The following TJAP1 variants were observed in gnomAD, a reference collection of about 807,000 sequenced individuals.
TJAP1 encodes the protein tight junction-associated protein 1.
In TJAP1, 27 loss-of-function variants were observed where a neutral mutation model predicts 42.0. The ratio of observed to expected loss-of-function variants is 0.64; its 90% confidence interval spans 0.47 to 0.89. TJAP1 has a LOEUF of 0.89. TJAP1 is among the 40% of genes least tolerant of loss of function. The probability of loss-of-function intolerance (pLI) is 0.00; values close to 1 mark genes in which losing one functional copy is unlikely to be tolerated. For synonymous variants in TJAP1, 257 were observed against 288.4 expected (o/e 0.89, Z 1.10); for missense variants, 712 against 726.9 (o/e 0.98, Z 0.24).
chr6:43,495,320 C>CT lies in TJAP1; in HGVS notation c.-121-2561_-121-2560insT, dbSNP rs143576577. On this transcript the variant is annotated intron_variant, in intron 2 of 10. Transcript: ENST00000372449. This position sits in a 1 kb window ranked among gnomAD's most constrained non-coding sequence, Gnocchi z 4.6. ...TTTCCCTGCACACCTTCCTTGCCTC[C>CT]AGTCAAGGACTGTGGGCTGCCAGGC... Among the ~76,000 whole-genome samples the CT allele has an allele frequency of 8.9e-4, 136 of 152,378 alleles. 4 individuals are homozygous for CT. In the East Asian group the frequency reaches 0.021, roughly 24 times the overall value.
chr6:43,493,864 G>A (rs939534228), intron 2 of TJAP1, among the ~76,000 whole-genome samples: 6 of 152,090 alleles, frequency 3.9e-5, no homozygotes, highest in Non-Finnish European at 8.8e-5. Flanking sequence ...TCAAATATGC[G>A]TACCCACAAA....
chr6:43,499,354 A>G (rs1789988645), intron 4 of TJAP1, among the ~76,000 whole-genome samples: 1 of 152,242 alleles, frequency 6.6e-6, no homozygotes, highest in Admixed American at 6.5e-5. Flanking sequence ...ATGATCCCAT[A>G]TGATATTCTC....
intron 8 of TJAP1, chr6:43,503,090 G>A (rs538701220): frequency 1.2e-4 from 58 of 473,688 alleles, no homozygotes; most frequent in East Asian, 3.5e-4. Context: ...AGTTACTGCC[G>A]TTGAGGTACC....
In TJAP1 at chr6:43,502,275, C is replaced by G. The variant is rs1163455719; in HGVS notation, c.291-8C>G. ...CCCAGGGATGTGCCTTGTATTATCC[C>G]TTTTCAGGCTGCAGAACAGCTACAC... On this transcript the variant is annotated splice_region_variant and splice_polypyrimidine_tract_variant and intron_variant, in intron 6 of 10. Transcript: ENST00000372449. The G allele has an allele frequency of 6.2e-6, 10 of 1,613,884 alleles. No individual in the cohort carries two copies. The highest frequency in any genetic ancestry group is 6.8e-6 in the Non-Finnish European group (8 of 1,179,982).
Position 43,491,295 on chromosome 6 carries a change from T to C in TJAP1, c.-121-6586T>C, listed in dbSNP as rs1263196464. ...TGACCAGAAATATCTGTTTGTTTTT[T>C]TGGGTTTTTTTTGAGACAGAGTTTC... On this transcript the variant is annotated intron_variant, in intron 2 of 10. Coordinates refer to ENST00000372449, the Ensembl canonical transcript of TJAP1. This position sits in a 1 kb window ranked among gnomAD's most constrained non-coding sequence, Gnocchi z 4.6. Among the ~76,000 whole-genome samples the C allele has an allele frequency of 6.6e-6, 1 of 152,166 alleles. No individual in the cohort carries two copies. The highest frequency in any genetic ancestry group is 6.5e-5 in the Admixed American group (1 of 15,290).
chr6:43,501,765 CTGT>C, intron 6 of TJAP1, 78 bp downstream of exon 6: 2 of 657,824 alleles, frequency 3.0e-6, no homozygotes, highest in Non-Finnish European at 5.7e-6. Flanking sequence ...CACACTCTCT[CTGT>C]CTCTCTCTCT....
rs543686222 is a variant in TJAP1, at chr6:43,486,145, A to G, written c.-122+7913A>G. ...ACGCGCAGCTAACTTTTGTATTTTT[A>G]GTAGAGACGGGGTTTCGCCATTTTG... On this transcript the variant is annotated intron_variant, in intron 2 of 10. Coordinates refer to ENST00000372449, the Ensembl canonical transcript of TJAP1. 1.6e-3 allele frequency among the ~76,000 whole-genome samples: 239 copies of G among 151,404 alleles called. 1 individual carries two copies. In the Middle Eastern group the frequency reaches 0.017, roughly 11 times the overall value.
rs912480662 is a variant in TJAP1 at position 43,491,056 on chromosome 6, G to C, written c.-121-6825G>C. Among the ~76,000 whole-genome samples the C allele has an allele frequency of 1.3e-5, 2 of 152,270 alleles. No homozygotes were observed. Among genetic ancestry groups the C allele is most frequent in the East Asian group, 3.9e-4 (2 of 5,192 alleles). ...GTGTGGTGCTAGGGAGGCTGGACAGGGGGAGCTTGAGAACAGAAGGCTGCC... is the reference window on the plus strand; with the variant it reads ...GTGTGGTGCTAGGGAGGCTGGACAGCGGGAGCTTGAGAACAGAAGGCTGCC... On this transcript the variant is annotated intron_variant, in intron 2 of 10. Coordinates refer to ENST00000372449, the Ensembl canonical transcript of TJAP1. This position sits in a 1 kb window ranked among gnomAD's most constrained non-coding sequence, Gnocchi z 4.6.
intron 2 of TJAP1, among the ~76,000 whole-genome samples, chr6:43,486,674 T>TG (rs972100409): frequency 1.3e-5 from 2 of 152,136 alleles, no homozygotes; most frequent in African/African-American, 2.4e-5. Context: ...TATTTTTTTT[T>TG]GCCTAATTAG....
chr6:43,505,776 C>A lies in TJAP1; in HGVS notation c.1595C>A (p.Pro532His). The A allele has an allele frequency of 6.6e-7, 1 of 1,512,172 alleles. No homozygotes were observed. Among genetic ancestry groups the A allele is most frequent in the East Asian group, 2.3e-5 (1 of 43,884 alleles). The allele number at this position is 1,512,172 out of a possible 1,614,324, so 93.7% of individuals were successfully genotyped here. ...AGCTCCAGTCGCCCCCAGCGCAGCC[C>A]CAAGAGGATGGGGGTTCACCACCTG... Residue 532 changes from proline (P) to histidine (H), a missense_variant, in exon 11 of 11, where the codon CCC (proline) becomes CAC (histidine). Physicochemically the swap from Pro to His is moderately conservative, Grantham distance 77 (BLOSUM62 -2). This residue lies in a region of TJAP1 where 549 missense variants were observed against 528.2 expected (regional missense o/e 1.04). Coordinates refer to ENST00000372449, the Ensembl canonical transcript of TJAP1. The surrounding 1 kb of genome is among the most constrained non-coding windows in gnomAD (Gnocchi z 5.5).
intron 4 of TJAP1, 153 bp downstream of exon 4, chr6:43,499,253 G>A: frequency 1.7e-6 from 2 of 1,150,494 alleles, no homozygotes; most frequent in Non-Finnish European, 2.4e-6. Context: ...CCGCAGTAGT[G>A]CAGGTGGGGG....
rs545612193 is a variant in TJAP1 at position 43,500,692 on chromosome 6, C to T, written c.100-52C>T. 15 of 1,611,508 alleles carry T rather than the reference C, an allele frequency of 9.3e-6. No individual in the cohort carries two copies. The East Asian group carries it at 3.1e-4, about 34-fold the overall frequency. On this transcript the variant is annotated intron_variant, in intron 4 of 10. Coordinates refer to ENST00000372449, the Ensembl canonical transcript of TJAP1. Reference sequence around the variant, plus strand: ...TGTGGCTATTTGGAGGGTGAGCCAGCCGGGGGTCCAGTGGTCCAGAGCTGA... The same window carrying T: ...TGTGGCTATTTGGAGGGTGAGCCAGTCGGGGGTCCAGTGGTCCAGAGCTGA...
exon 11 of TJAP1, chr6:43,506,146 A>C (rs72857288): frequency 0.14 from 45,800 of 320,444 alleles, 3,865 homozygotes; most frequent in Non-Finnish European, 0.19. Context: ...AACCCAGCCC[A>C]GACTGGGCTT....
intron 2 of TJAP1, among the ~76,000 whole-genome samples, chr6:43,480,952 C>T (rs1447889463): frequency 2.0e-5 from 3 of 152,094 alleles, no homozygotes; most frequent in Non-Finnish European, 4.4e-5. Context: ...GGTATTTGAA[C>T]CTAGGCATTC....
At chr6:43,503,807 C>A in intron 10 of TJAP1, 101 bp downstream of exon 10, 1 of 1,079,464 alleles carries the variant, frequency 9.3e-7, no homozygotes, top group Non-Finnish European at 1.4e-6. Context: ...CTCCTCTTCC[C>A]ACTTTGCCCT....
In TJAP1 at chr6:43,505,062, T is replaced by G; in HGVS notation, c.881T>G (p.Leu294Arg). 1 of 1,614,034 alleles carries G rather than the reference T, an allele frequency of 6.2e-7. No homozygotes were observed. Among genetic ancestry groups the G allele is most frequent in the Admixed American group, 1.7e-5 (1 of 60,024 alleles). Residue 294 changes from leucine to arginine, a missense_variant, in exon 11 of 11, where the codon CTG becomes CGG. Leu to Arg is a moderately radical substitution (Grantham distance 102). Transcript: ENST00000372449. The surrounding 1 kb of genome is among the most constrained non-coding windows in gnomAD (Gnocchi z 5.5). ...CAACCCAATGGGGAGTGCCACTCTC[T>G]GGGTACTGCCAGGGGCTCCCCGGAG...
At chr6:43,504,525 G>A (rs1277680146) in intron 10 of TJAP1, 12 of 581,304 alleles carry the variant, frequency 2.1e-5, no homozygotes, top group Admixed American at 6.3e-5. Flanking sequence ...GGCTGCAGCA[G>A]CAGATCCGGG....
intron 7 of TJAP1, 39 bp from the exon 8 acceptor site, chr6:43,502,549 C>T (rs747700147): frequency 1.3e-6 from 2 of 1,551,572 alleles, no homozygotes; most frequent in South Asian, 1.2e-5. Flanking sequence ...CTCGTCTCCC[C>T]CTCATGCTGC....
chr6:43,491,464 A>G lies in TJAP1; in HGVS notation c.-121-6417A>G, dbSNP rs1448907050. On this transcript the variant is annotated intron_variant, in intron 2 of 10. Transcript: ENST00000372449. This position sits in a 1 kb window ranked among gnomAD's most constrained non-coding sequence, Gnocchi z 4.6. ...CGCCACCACGCCCGGCTCATTTTGT[A>G]TTTTTAGTAGAGACGGGGTTTCTCC... 6.6e-6 allele frequency among the ~76,000 whole-genome samples: 1 copy of G among 151,808 alleles called. No homozygotes were observed. Among genetic ancestry groups the G allele is most frequent in the African/African-American group, 2.4e-5 (1 of 41,306 alleles).
Sources: allele counts gnomAD v4.1 joint callset (sites outside exome capture counted in the v4.1 genomes callset), GRCh38; gene constraint gnomAD v4.1.1; regional missense constraint gnomAD v4.1.1; non-coding constraint Gnocchi (gnomAD v3.1); transcripts MANE v1.5; gene names NCBI Gene and HGNC (gene_info 2026-07-23, HGNC 2026-07-21).